Variants in CFAP299 observed in about 807,000 individuals in gnomAD.
CFAP299 encodes the protein cilia- and flagella-associated protein 299.
In CFAP299, 21 loss-of-function variants were observed where a neutral mutation model predicts 27.0. The observed-to-expected ratio is 0.78, with a 90% confidence interval of 0.55 to 1.12. CFAP299 has a LOEUF of 1.12. Among genes scored for constraint, CFAP299 ranks in the 50% most tolerant of loss-of-function variants. CFAP299 has a pLI of 0.00. For synonymous variants in CFAP299, 104 were observed against 98.1 expected (o/e 1.06, Z -0.36); for missense variants, 310 against 276.6 (o/e 1.12, Z -0.86).
At chr4:80,450,849 C>A (rs962321558) in intron 2 of CFAP299, among the ~76,000 whole-genome samples, 6 of 150,546 alleles carry the variant, frequency 4.0e-5, no homozygotes, top group African/African-American at 1.5e-4. Flanking sequence ...ATTGCTCAAG[C>A]AGAGTTAGGC....
chr4:80,367,098 T>C (rs908075832), intron 2 of CFAP299, among the ~76,000 whole-genome samples: 29 of 152,144 alleles, frequency 1.9e-4, no homozygotes, highest in Non-Finnish European at 2.8e-4. Flanking sequence ...TTCTTCTTGG[T>C]GTGATAATAT....
intron 3 of CFAP299, among the ~76,000 whole-genome samples, chr4:80,624,460 TATAA>T (rs748890144): frequency 4.0e-5 from 6 of 151,420 alleles, no homozygotes; most frequent in Non-Finnish European, 7.4e-5. Flanking sequence ...AAAAAAGAAA[TATAA>T]ATAAATAAAT....
intron 3 of CFAP299, among the ~76,000 whole-genome samples, chr4:80,797,827 G>A (rs1007976061): frequency 6.6e-6 from 1 of 152,110 alleles, no homozygotes; most frequent in African/African-American, 2.4e-5. Flanking sequence ...CCAAGCCTCT[G>A]GATCCCTTCC....
chr4:80,937,318 T>TTTTTTC (rs1736958437), intron 4 of CFAP299, among the ~76,000 whole-genome samples: 1 of 112,046 alleles, frequency 8.9e-6, no homozygotes, highest in African/African-American at 4.5e-5. Flanking sequence ...CTTTCTTTTT[T>TTTTTTC]TTTTTTTTTT....
chr4:80,324,464 A>G, the CFAP299 span, among the ~76,000 whole-genome samples: 1 of 152,254 alleles, frequency 6.6e-6, no homozygotes, highest in Admixed American at 6.5e-5. Flanking sequence ...AGCATGGTGC[A>G]TTACACATGA....
chr4:80,612,786 G>T (rs1738062616), intron 3 of CFAP299, among the ~76,000 whole-genome samples: 1 of 151,996 alleles, frequency 6.6e-6, no homozygotes, highest in Admixed American at 6.6e-5. Context: ...TCTGAATTAG[G>T]TACATAGTTT....
At chr4:80,632,993 A>T (rs1429779815) in intron 3 of CFAP299, among the ~76,000 whole-genome samples, 1 of 152,218 alleles carries the variant, frequency 6.6e-6, no homozygotes, top group East Asian at 1.9e-4. Context: ...AGCACAATTA[A>T]GACACAAAAT....
rs190402521 is a variant in CFAP299, at chr4:80,356,677, A to G, written c.112-6077A>G. Among the ~76,000 whole-genome samples, 3 of 152,100 alleles carry G rather than the reference A, an allele frequency of 2.0e-5. No homozygotes were observed. In the East Asian group the frequency reaches 5.8e-4, roughly 29 times the overall value. ...TTAGGAATGCTTGTGATTTCTGTACATTGATTCTGTATCCTGAGACTTTGC... is the reference window on the plus strand; with the variant it reads ...TTAGGAATGCTTGTGATTTCTGTACGTTGATTCTGTATCCTGAGACTTTGC... On this transcript the variant is annotated intron_variant, in intron 1 of 5. Coordinates refer to ENST00000358105, the MANE Select transcript of CFAP299 (RefSeq NM_152770.3).
chr4:80,749,599 T>C (rs1163551883), intron 3 of CFAP299, among the ~76,000 whole-genome samples: 1 of 152,180 alleles, frequency 6.6e-6, no homozygotes, highest in Non-Finnish European at 1.5e-5. Flanking sequence ...CTTCAGTCTG[T>C]GGCCAAAGTG....
chr4:80,948,770 T>C (rs1737608660), intron 5 of CFAP299, among the ~76,000 whole-genome samples: 1 of 152,114 alleles, frequency 6.6e-6, no homozygotes. Flanking sequence ...TGCTAATGAA[T>C]ATTTGATAAA....
chr4:80,384,367 A>T (rs1235678336), intron 2 of CFAP299, among the ~76,000 whole-genome samples: 1 of 152,196 alleles, frequency 6.6e-6, no homozygotes, highest in Non-Finnish European at 1.5e-5. Context: ...TATTATTCAT[A>T]AATATTTTGA....
intron 2 of CFAP299, among the ~76,000 whole-genome samples, chr4:80,458,172 T>C (rs890442829): frequency 1.3e-5 from 2 of 152,116 alleles, no homozygotes; most frequent in Non-Finnish European, 2.9e-5. Flanking sequence ...AGGAAAAGGA[T>C]CAATAACAAA....
intron 3 of CFAP299, among the ~76,000 whole-genome samples, chr4:80,606,238 G>T (rs1446725412): frequency 6.6e-6 from 1 of 152,106 alleles, no homozygotes; most frequent in Non-Finnish European, 1.5e-5. Flanking sequence ...ATGTACAAAG[G>T]TATATAGCCA....
chr4:80,604,975 GA>G (rs1419839922), intron 3 of CFAP299, among the ~76,000 whole-genome samples: 9 of 151,394 alleles, frequency 5.9e-5, no homozygotes, highest in Non-Finnish European at 1.3e-4. Flanking sequence ...CAGAGTTTTT[GA>G]GTTTGAGCTG....
chr4:80,673,842 CTTT>C (rs201682901), intron 3 of CFAP299, among the ~76,000 whole-genome samples: 2,136 of 128,714 alleles, frequency 0.017, 25 homozygotes, highest in South Asian at 0.078. Flanking sequence ...CAAACTCTGC[CTTT>C]TTTTTTTTTT....
intron 1 of CFAP299, among the ~76,000 whole-genome samples, chr4:80,343,553 G>T (rs2109972798): frequency 6.6e-6 from 1 of 152,322 alleles, no homozygotes; most frequent in East Asian, 1.9e-4. Flanking sequence ...ACTTTGGGAG[G>T]CCGAGGCGGG....
At chr4:80,798,816 C>A (rs1728023628) in intron 3 of CFAP299, among the ~76,000 whole-genome samples, 1 of 151,982 alleles carries the variant, frequency 6.6e-6, no homozygotes, top group Non-Finnish European at 1.5e-5. Context: ...AGTCACTAAA[C>A]TACCTGCCTC....
At chr4:80,342,312 C>T (rs754886566) in intron 1 of CFAP299, among the ~76,000 whole-genome samples, 9 of 152,186 alleles carry the variant, frequency 5.9e-5, no homozygotes, top group Non-Finnish European at 1.2e-4. Context: ...TCAGGAAATA[C>T]AGACAACTCT....
At chr4:80,766,496 A>T (rs1469407761) in intron 3 of CFAP299, among the ~76,000 whole-genome samples, 1 of 152,216 alleles carries the variant, frequency 6.6e-6, no homozygotes, top group Non-Finnish European at 1.5e-5. Context: ...ATAGCTGCGA[A>T]TAATACAACA....
Sources: gnomAD v4.1 joint callset for allele counts (sites outside exome capture counted in the v4.1 genomes callset) on GRCh38, gnomAD v4.1.1 for gene constraint, MANE v1.5 for transcripts, NCBI Gene and HGNC (gene_info 2026-07-23, HGNC 2026-07-21) for gene names.